ARIH2: variants seen among roughly 807,000 people sequenced by gnomAD.
ARIH2 encodes the protein E3 ubiquitin-protein ligase ARIH2.
In ARIH2, 12 loss-of-function variants were observed where a neutral mutation model predicts 79.8. That is an observed-to-expected ratio of 0.15 (90% CI 0.10 to 0.24). The LOEUF is 0.24. Among genes scored for constraint, ARIH2 ranks in the 10% least tolerant of loss-of-function variants. ARIH2 has a pLI of 1.00. For missense variants in ARIH2, 301 were observed against 618.3 expected (o/e 0.49, Z 5.44); for synonymous variants, 224 against 213.9 (o/e 1.05, Z -0.41).
intron 3 of ARIH2, among the ~76,000 whole-genome samples, chr3:48,942,187 A>T (rs1476889481): frequency 6.6e-6 from 1 of 151,508 alleles, no homozygotes; most frequent in Non-Finnish European, 1.5e-5. Flanking sequence ...AATAGCTGGG[A>T]TTAGAGGTGC....
intron 6 of ARIH2, among the ~76,000 whole-genome samples, chr3:48,967,719 A>G (rs570654319): frequency 3.9e-5 from 6 of 152,356 alleles, no homozygotes; most frequent in Non-Finnish European, 8.8e-5. Flanking sequence ...TGATATCTGC[A>G]AAGTCCCACA....
intron 4 of ARIH2, among the ~76,000 whole-genome samples, chr3:48,962,555 G>A (rs2091383188): frequency 6.6e-6 from 1 of 152,146 alleles, no homozygotes; most frequent in African/African-American, 2.4e-5. Flanking sequence ...TGCATCCTCT[G>A]TAGAGATCTC....
chr3:48,967,224 A>G lies in ARIH2; in HGVS notation c.487A>G (p.Ser163Gly). ...GGCCTGTCAGCACCAGTTTTGCCGC[A>G]GCTGCTGGGAGCAGCACTGCTCAGT... ...SLACQHQFCR[S>G]CWEQHCSVLV... The change falls in exon 6 of 16, where the codon AGC (serine) becomes GGC (glycine). Residue 163 changes from serine (S) to glycine (G), a missense_variant. Ser to Gly is a moderately conservative substitution (Grantham distance 56). Around this residue, in one of 2 missense-constraint regions of ARIH2, gnomAD observed 223 missense variants for 349.4 expected, o/e 0.64. Coordinates refer to ENST00000356401, the MANE Select transcript of ARIH2 (RefSeq NM_006321.4). 1 of 1,614,230 alleles carries G rather than the reference A, an allele frequency of 6.2e-7. No individual in the cohort carries two copies. Among genetic ancestry groups the G allele is most frequent in the African/African-American group, 1.3e-5 (1 of 75,062 alleles).
intron 11 of ARIH2, among the ~76,000 whole-genome samples, chr3:48,977,117 G>A (rs1304816358): frequency 2.0e-5 from 3 of 151,100 alleles, no homozygotes; most frequent in Non-Finnish European, 4.4e-5. Context: ...CAGGAGAATC[G>A]CTTGAACCAG....
intron 9 of ARIH2, chr3:48,974,572 G>A (rs774742718): frequency 9.9e-5 from 56 of 567,924 alleles, no homozygotes; most frequent in Non-Finnish European, 1.6e-4. Context: ...CATGGCAGGG[G>A]CAGATGGTGG....
chr3:48,973,909 C>T, intron 9 of ARIH2, 93 bp downstream of exon 9: 1 of 965,858 alleles, frequency 1.0e-6, no homozygotes. Flanking sequence ...GCAGAATACC[C>T]AGAGCCCCAG....
chr3:48,956,439 CT>C (rs34693818), intron 3 of ARIH2, among the ~76,000 whole-genome samples: 1,112 of 36,052 alleles, frequency 0.031, 3 homozygotes, highest in Non-Finnish European at 0.036. Context: ...GCGCCCGGCA[CT>C]TTTTTTTTTT....
At chr3:48,951,873 G>A (rs1244393567) in intron 3 of ARIH2, among the ~76,000 whole-genome samples, 1 of 151,828 alleles carries the variant, frequency 6.6e-6, no homozygotes, top group East Asian at 1.9e-4. Context: ...TTTAGACTTC[G>A]TTAATTTTTG....
chr3:48,944,613 A>G (rs1196248585), intron 3 of ARIH2, among the ~76,000 whole-genome samples: 1 of 152,268 alleles, frequency 6.6e-6, no homozygotes. Flanking sequence ...AGAGGCTGAG[A>G]ATATTTAGGT....
intron 8 of ARIH2, among the ~76,000 whole-genome samples, chr3:48,970,995 T>C (rs2092194484): frequency 6.6e-6 from 1 of 152,244 alleles, no homozygotes; most frequent in South Asian, 2.1e-4. Flanking sequence ...TCTGCCTGCA[T>C]AGCTAATCAC....
chr3:48,965,653 G>A (rs2091714398), intron 5 of ARIH2, among the ~76,000 whole-genome samples: 1 of 151,912 alleles, frequency 6.6e-6, no homozygotes, highest in African/African-American at 2.4e-5. Flanking sequence ...TATAGGGAGG[G>A]AATTCACCTT....
chr3:48,968,548 G>A lies in ARIH2; in HGVS notation c.553G>A (p.Ala185Thr). Residue 185 changes from alanine (A) to threonine (T), a missense_variant, in exon 7 of 16, where the codon GCT becomes ACT. By Grantham distance (58) the Ala-to-Thr change is moderately conservative. Transcript: ENST00000356401. Reference sequence around the variant, plus strand: ...TTGTTCAACAGGAGTCTCTTGCATGGCTCAGGACTGTCCACTCCGTACACC... The same window carrying A: ...TTGTTCAACAGGAGTCTCTTGCATGACTCAGGACTGTCCACTCCGTACACC... ...DGVGVGVSCM[A>T]QDCPLRTPED... The A allele has an allele frequency of 6.2e-7, 1 of 1,609,502 alleles. No individual in the cohort carries two copies. The highest frequency in any genetic ancestry group is 8.5e-7 in the Non-Finnish European group (1 of 1,176,858).
intron 3 of ARIH2, chr3:48,943,326 G>A (rs2088616344): frequency 6.6e-6 from 1 of 151,766 alleles, no homozygotes; most frequent in South Asian, 2.1e-4. Context: ...TGCAACCCTC[G>A]AGAGACTGCT....
rs556603393 is a variant in ARIH2 at position 48,974,437 on chromosome 3, G to A, written c.889-380G>A. ...GATGTGGTTTCCTTGCCCTCTTCTC[G>A]AAGCAGAAGTTCAGGCAAGCTGACC... On this transcript the variant is annotated intron_variant, in intron 9 of 15. Transcript: ENST00000356401. Among the ~76,000 whole-genome samples, 7 of 152,278 alleles carry A rather than the reference G, an allele frequency of 4.6e-5. No homozygotes were observed. In the East Asian group the frequency reaches 7.7e-4, roughly 17 times the overall value.
chr3:48,955,917 C>T (rs768625331), intron 3 of ARIH2, among the ~76,000 whole-genome samples: 4 of 152,266 alleles, frequency 2.6e-5, no homozygotes, highest in Non-Finnish European at 4.4e-5. Flanking sequence ...ATCATTTTCT[C>T]ACTGTTTTTC....
At chr3:48,957,901 C>A (rs1409379726) in intron 3 of ARIH2, among the ~76,000 whole-genome samples, 1 of 151,906 alleles carries the variant, frequency 6.6e-6, no homozygotes, top group Non-Finnish European at 1.5e-5. Context: ...TTTTTAGTAG[C>A]GACGGGATGT....
intron 3 of ARIH2, among the ~76,000 whole-genome samples, chr3:48,947,192 G>A (rs2089286622): frequency 6.6e-6 from 1 of 152,216 alleles, no homozygotes; most frequent in Admixed American, 6.5e-5. Flanking sequence ...TGTAATCCCA[G>A]CTCTTTGGGA....
chr3:48,951,242 G>A (rs1370938982), intron 3 of ARIH2, among the ~76,000 whole-genome samples: 2 of 152,110 alleles, frequency 1.3e-5, no homozygotes. Flanking sequence ...GGGATTACAA[G>A]CGTGAGCCAG....
intron 3 of ARIH2, among the ~76,000 whole-genome samples, chr3:48,951,850 T>A (rs2090000480): frequency 6.6e-6 from 1 of 152,232 alleles, no homozygotes; most frequent in African/African-American, 2.4e-5. Context: ...TTGATATTTT[T>A]AAAGAATCCA....
Sources: gnomAD v4.1 joint callset for allele counts (sites outside exome capture counted in the v4.1 genomes callset) on GRCh38, gnomAD v4.1.1 for gene constraint, gnomAD v4.1.1 regional missense constraint, MANE v1.5 for transcripts, NCBI Gene and HGNC (gene_info 2026-07-23, HGNC 2026-07-21) for gene names.